The following TEAD4 variants were observed in gnomAD, a reference collection of about 807,000 sequenced individuals.
TEAD4 encodes transcriptional enhancer factor TEF-3.
Under a neutral mutation model 52.4 loss-of-function variants are expected in TEAD4, and 36 were observed. That is an observed-to-expected ratio of 0.69 (90% CI 0.53 to 0.91). TEAD4 has a LOEUF of 0.91. Ranked by LOEUF, TEAD4 falls within the 40% of genes least tolerant of loss-of-function variation. The probability of loss-of-function intolerance (pLI) is 0.00; values close to 1 mark genes in which losing one functional copy is unlikely to be tolerated. For synonymous variants in TEAD4, 220 were observed against 231.0 expected, an observed-to-expected ratio of 0.95 and a Z score of 0.43; for missense variants, 508 against 583.9, an observed-to-expected ratio of 0.87 and a Z score of 1.34.
intron 3 of TEAD4, among the ~76,000 whole-genome samples, chr12:3,005,505 AT>A (rs202105635): frequency 0.046 from 6,901 of 149,088 alleles, 512 homozygotes; most frequent in African/African-American, 0.16. Context: ...TTGTTTGTTT[AT>A]TTTTTTTTGA....
chr12:2,993,670 G>A (rs1292672770), intron 2 of TEAD4, among the ~76,000 whole-genome samples: 2 of 149,072 alleles, frequency 1.3e-5, no homozygotes, highest in Admixed American at 1.3e-4. Flanking sequence ...TAGAGATGGG[G>A]TCTCCCGATA....
intron 10 of TEAD4, among the ~76,000 whole-genome samples, chr12:3,037,607 T>A (rs2098280204): frequency 6.6e-6 from 1 of 152,206 alleles, no homozygotes; most frequent in Admixed American, 6.5e-5. Flanking sequence ...AGCTGACTGG[T>A]AGAGATTCAA....
intron 3 of TEAD4, 32 bp downstream of exon 3, chr12:2,995,024 T>A: frequency 6.3e-7 from 1 of 1,597,892 alleles, no homozygotes; most frequent in East Asian, 2.2e-5. Context: ...GCCCTGTACC[T>A]GAGGCTGAGG....
chr12:2,989,104 G>C (rs749485409), intron 2 of TEAD4, among the ~76,000 whole-genome samples: 7 of 152,032 alleles, frequency 4.6e-5, no homozygotes, highest in Non-Finnish European at 5.9e-5. Context: ...CCAGGGCATG[G>C]GATTGGCATG....
At chr12:2,986,633 C>CTT (rs1565530189) in intron 2 of TEAD4, among the ~76,000 whole-genome samples, 2 of 147,324 alleles carry the variant, frequency 1.4e-5, no homozygotes, top group African/African-American at 5.1e-5. Context: ...GAGTGAGACT[C>CTT]TGTCTCAAAA....
intron 2 of TEAD4, among the ~76,000 whole-genome samples, chr12:2,965,711 T>C (rs971877138): frequency 1.3e-5 from 2 of 151,636 alleles, no homozygotes; most frequent in African/African-American, 4.9e-5. Context: ...GCCACCTAAT[T>C]TTTTTGTATT....
At chr12:2,983,244 T>G (rs1217601179) in intron 2 of TEAD4, among the ~76,000 whole-genome samples, 1 of 152,218 alleles carries the variant, frequency 6.6e-6, no homozygotes, top group African/African-American at 2.4e-5. Context: ...TTAGTAACAA[T>G]GAAGACAATA....
intron 12 of TEAD4, 44 bp from the exon 13 acceptor site, chr12:3,040,321 C>T (rs781725627): frequency 7.4e-6 from 12 of 1,613,742 alleles, no homozygotes; most frequent in African/African-American, 2.7e-5. Context: ...CATGGCATGC[C>T]CCTTCTGGGG....
intron 2 of TEAD4, among the ~76,000 whole-genome samples, chr12:2,962,346 A>ATATATATTTT (rs1350931012): frequency 1.6e-5 from 2 of 128,062 alleles, no homozygotes; most frequent in East Asian, 2.1e-4. Flanking sequence ...ATATATATAT[A>ATATATATTTT]TTTTTTGAGA....
intron 3 of TEAD4, among the ~76,000 whole-genome samples, chr12:3,009,484 AAAGGG>A: frequency 6.6e-6 from 1 of 152,234 alleles, no homozygotes. Context: ...GAAAGTCCTT[AAAGGG>A]AAGAGACTTA....
At chr12:3,022,297 A>G (rs1439115143) in intron 10 of TEAD4, among the ~76,000 whole-genome samples, 1 of 152,074 alleles carries the variant, frequency 6.6e-6, no homozygotes, top group Non-Finnish European at 1.5e-5. Flanking sequence ...GGAGGTGAGG[A>G]GGTGTAGTTC....
chr12:2,971,534 G>A (rs1043413727), intron 2 of TEAD4, among the ~76,000 whole-genome samples: 1 of 151,752 alleles, frequency 6.6e-6, no homozygotes, highest in African/African-American at 2.4e-5. Flanking sequence ...GGAGTGCTGT[G>A]GTGCGATCTC....
chr12:3,026,387 A>C (rs1343462065), intron 10 of TEAD4, among the ~76,000 whole-genome samples: 1 of 152,254 alleles, frequency 6.6e-6, no homozygotes, highest in Non-Finnish European at 1.5e-5. Context: ...CACATCAAGG[A>C]AGTCTGGAGG....
At chr12:2,992,162 G>A (rs1296350070) in intron 2 of TEAD4, among the ~76,000 whole-genome samples, 1 of 151,884 alleles carries the variant, frequency 6.6e-6, no homozygotes, top group African/African-American at 2.4e-5. Context: ...GGGATTACAG[G>A]CACCCGCCAC....
chr12:3,032,163 A>G (rs1475752748), intron 10 of TEAD4, among the ~76,000 whole-genome samples: 1 of 152,244 alleles, frequency 6.6e-6, no homozygotes, highest in Non-Finnish European at 1.5e-5. Flanking sequence ...CCTAGAAGGT[A>G]CTTTTCCAAA....
intron 2 of TEAD4, among the ~76,000 whole-genome samples, chr12:2,972,521 C>G (rs1203812491): frequency 6.7e-5 from 3 of 44,950 alleles, no homozygotes; most frequent in Non-Finnish European, 1.3e-4. Context: ...TTTTTTGAGA[C>G]AGAGTTTTGC....
chr12:3,007,867 G>A (rs150104734), intron 3 of TEAD4, among the ~76,000 whole-genome samples: 43 of 152,272 alleles, frequency 2.8e-4, no homozygotes, highest in South Asian at 1.2e-3. Context: ...GAGTTACGTC[G>A]GACTAATCAG....
intron 4 of TEAD4, 48 bp from the exon 5 acceptor site, chr12:3,012,122 C>T: frequency 1.2e-6 from 2 of 1,602,664 alleles, no homozygotes; most frequent in Non-Finnish European, 1.7e-6. Flanking sequence ...GGCTGGGGAA[C>T]ACAGGTTGTT....
rs887754938 is a variant in TEAD4 at position 3,040,155 on chromosome 12, C to T, written c.1087C>T (p.Arg363Trp). ...TGGACACTACTCTTACCGCATCCAC[C>T]GGTCCCCGCTCTGTGAGTACATGAT... The change falls in exon 12 of 13, where the codon CGG becomes TGG. Residue 363 changes from arginine (R) to tryptophan (W), a missense_variant. By Grantham distance (101) the Arg-to-Trp change is moderately radical. Coordinates refer to ENST00000359864, the MANE Select transcript of TEAD4 (RefSeq NM_003213.4). 4 of 1,614,182 alleles carry T rather than the reference C, an allele frequency of 2.5e-6. No individual in the cohort carries two copies. The highest frequency in any genetic ancestry group is 1.7e-5 in the Admixed American group (1 of 60,024).
Sources: allele counts gnomAD v4.1 joint callset (sites outside exome capture counted in the v4.1 genomes callset), GRCh38; gene constraint gnomAD v4.1.1; transcripts MANE v1.5; gene names NCBI Gene and HGNC (gene_info 2026-07-23, HGNC 2026-07-21).